The following KCNJ3 variants were observed in gnomAD, a reference collection of about 807,000 sequenced individuals.
The protein encoded by KCNJ3 is G protein-activated inward rectifier potassium channel 1.
A neutral mutation model predicts 39.2 loss-of-function variants in KCNJ3; 4 were observed. The ratio of observed to expected loss-of-function variants is 0.10; its 90% CI spans 0.05 to 0.23. KCNJ3 has a LOEUF of 0.23. Among genes scored for constraint, KCNJ3 ranks in the 10% least tolerant of loss-of-function variants. The pLI, the probability that KCNJ3 is intolerant of heterozygous loss-of-function variation, is 1.00. For synonymous variants in KCNJ3, 230 were observed against 237.4 expected (o/e 0.97, Z 0.29); for missense variants, 276 against 634.9 (o/e 0.43, Z 6.08).
At chr2:154,817,082 A>C (rs1687093882) in intron 2 of KCNJ3, among the ~76,000 whole-genome samples, 1 of 152,180 alleles carries the variant, frequency 6.6e-6, no homozygotes, top group African/African-American at 2.4e-5. Context: ...AAAATAACAC[A>C]ATCATTTGAG....
chr2:154,820,238 C>G (rs1031989234), intron 2 of KCNJ3, among the ~76,000 whole-genome samples: 1 of 152,134 alleles, frequency 6.6e-6, no homozygotes, highest in Non-Finnish European at 1.5e-5. Context: ...CCCACTTTAT[C>G]TCCCAACGTT....
chr2:154,700,206 A>C (rs865824371), intron 1 of KCNJ3, among the ~76,000 whole-genome samples: 2 of 152,206 alleles, frequency 1.3e-5, no homozygotes, highest in African/African-American at 4.8e-5. Flanking sequence ...GTTTCTGTGA[A>C]GCCTTTGTCA....
chr2:154,804,920 A>G (rs1445653), intron 2 of KCNJ3, among the ~76,000 whole-genome samples: 82,882 of 151,868 alleles, frequency 0.55, 23,059 homozygotes, highest in Non-Finnish European at 0.61. Context: ...TGTTTATATT[A>G]AAATGTGTTT....
chr2:154,771,791 A>G (rs932362873), intron 2 of KCNJ3, among the ~76,000 whole-genome samples: 1 of 152,210 alleles, frequency 6.6e-6, no homozygotes, highest in African/African-American at 2.4e-5. Context: ...TGGCAGGACA[A>G]TACCTTAGAT....
At chr2:154,788,496 G>T (rs146651654) in intron 2 of KCNJ3, among the ~76,000 whole-genome samples, 272 of 152,186 alleles carry the variant, frequency 1.8e-3, no homozygotes, top group African/African-American at 6.4e-3. Flanking sequence ...TTACTGGTTA[G>T]AATTTCCTTG....
chr2:154,766,068 A>G (rs2105192340), intron 2 of KCNJ3, among the ~76,000 whole-genome samples: 1 of 152,344 alleles, frequency 6.6e-6, no homozygotes, highest in Non-Finnish European at 1.5e-5. Context: ...AGTTTTTAAA[A>G]TGACTATCAG....
At chr2:154,766,694 T>A (rs1452313790) in intron 2 of KCNJ3, among the ~76,000 whole-genome samples, 1 of 152,124 alleles carries the variant, frequency 6.6e-6, no homozygotes, top group African/African-American at 2.4e-5. Flanking sequence ...TAGCTGGGAC[T>A]ACAGGCACAT....
At chr2:154,745,985 C>CCA (rs1685734710) in intron 2 of KCNJ3, among the ~76,000 whole-genome samples, 1 of 151,728 alleles carries the variant, frequency 6.6e-6, no homozygotes, top group South Asian at 2.1e-4. Context: ...TGTAGAAATG[C>CCA]CACACTACTG....
chr2:154,787,849 A>T (rs1469780391), intron 2 of KCNJ3, among the ~76,000 whole-genome samples: 1 of 152,140 alleles, frequency 6.6e-6, no homozygotes, highest in Non-Finnish European at 1.5e-5. Flanking sequence ...TAGTATTCCA[A>T]ATATAATTTA....
intron 2 of KCNJ3, among the ~76,000 whole-genome samples, chr2:154,762,458 A>T (rs1030472549): frequency 3.9e-5 from 6 of 152,168 alleles, no homozygotes; most frequent in African/African-American, 1.4e-4. Flanking sequence ...CCAGGATTTA[A>T]TAAGGCTAGC....
chr2:154,857,336 A>C lies in KCNJ3; in HGVS notation c.*2023A>C, dbSNP rs1293465434. On this transcript the variant is annotated 3_prime_UTR_variant, in exon 3 of 3. Transcript: ENST00000295101. The stretch of plus-strand genomic sequence containing the variant: ...TAAATAGAGCCATAATTTACTTTGG[A>C]GAGTCATTTTAATTTGTCTTTGGTA... 6.6e-6 allele frequency: 1 copy of C among 152,154 alleles called. No individual in the cohort carries two copies. The highest frequency in any genetic ancestry group is 1.5e-5 in the Non-Finnish European group (1 of 68,032). The allele number at this position is 152,154 out of a possible 1,614,324, so 9.4% of individuals were successfully genotyped here. A position where few individuals can be genotyped will look rare whatever the true frequency, so the allele number is the denominator to read the frequency against.
intron 2 of KCNJ3, among the ~76,000 whole-genome samples, chr2:154,801,237 TA>T (rs1403400999): frequency 1.3e-5 from 2 of 152,156 alleles, no homozygotes; most frequent in African/African-American, 4.8e-5. Context: ...TCAGGAGGAG[TA>T]AATGAGTGAA....
At chr2:154,768,762 A>C (rs993530881) in intron 2 of KCNJ3, among the ~76,000 whole-genome samples, 1 of 152,182 alleles carries the variant, frequency 6.6e-6, no homozygotes, top group African/African-American at 2.4e-5. Flanking sequence ...CATTGAATCT[A>C]TAAATTACCT....
intron 2 of KCNJ3, among the ~76,000 whole-genome samples, chr2:154,837,714 A>G (rs1687494763): frequency 6.6e-6 from 1 of 152,156 alleles, no homozygotes; most frequent in South Asian, 2.1e-4. Context: ...TCGCTTAAGA[A>G]GCTTACTGTA....
At chr2:154,752,266 A>G (rs1261669735) in intron 2 of KCNJ3, among the ~76,000 whole-genome samples, 2 of 151,730 alleles carry the variant, frequency 1.3e-5, no homozygotes, top group Admixed American at 6.6e-5. Flanking sequence ...AACAAAAAAA[A>G]TAGTAGTTTT....
chr2:154,804,934 T>A (rs1007337954), intron 2 of KCNJ3, among the ~76,000 whole-genome samples: 8 of 152,138 alleles, frequency 5.3e-5, no homozygotes, highest in Non-Finnish European at 7.4e-5. Context: ...TGTGTTTCAA[T>A]ATAAAATTAT....
At chr2:154,852,554 C>A (rs1340006973) in intron 2 of KCNJ3, among the ~76,000 whole-genome samples, 1 of 152,074 alleles carries the variant, frequency 6.6e-6, no homozygotes, top group African/African-American at 2.4e-5. Flanking sequence ...TAAGGCACTT[C>A]CACATTATTT....
chr2:154,705,295 C>A (rs574688551), intron 1 of KCNJ3, among the ~76,000 whole-genome samples: 1 of 152,124 alleles, frequency 6.6e-6, no homozygotes. Flanking sequence ...AAATGTGGAT[C>A]CGCTTGTGCC....
chr2:154,838,837 C>T (rs897077187), intron 2 of KCNJ3, among the ~76,000 whole-genome samples: 33 of 152,166 alleles, frequency 2.2e-4, no homozygotes, highest in East Asian at 7.7e-4. Flanking sequence ...TTGCTTTATA[C>T]GATATTTCAA....
Sources: gnomAD v4.1 joint callset for allele counts (sites outside exome capture counted in the v4.1 genomes callset) on GRCh38, gnomAD v4.1.1 for gene constraint, MANE v1.5 for transcripts, NCBI Gene and HGNC (gene_info 2026-07-23, HGNC 2026-07-21) for gene names.